HECW2: variants seen among roughly 807,000 people sequenced by gnomAD.
HECW2 encodes HECT, C2 and WW domain containing E3 ubiquitin protein ligase 2.
In HECW2, 61 loss-of-function variants were observed where a neutral mutation model predicts 175.2. The ratio of observed to expected loss-of-function variants is 0.35; its 90% CI spans 0.28 to 0.43. The LOEUF is 0.43. Ranked by LOEUF, HECW2 falls within the 20% of genes least tolerant of loss-of-function variation. The pLI is 1.00. For synonymous variants in HECW2, 671 were observed against 731.0 expected (o/e 0.92, Z 1.32); for missense variants, 1,524 against 2,000.5 (o/e 0.76, Z 4.54).
chr2:196,543,326 A>T (rs1284065353), intron 1 of HECW2, among the ~76,000 whole-genome samples: 5 of 151,538 alleles, frequency 3.3e-5, no homozygotes, highest in African/African-American at 4.8e-5. Context: ...AAAAAAAAAA[A>T]ATGTTCTGTG....
chr2:196,441,104 G>C (rs1021355097), intron 1 of HECW2, among the ~76,000 whole-genome samples: 1 of 152,116 alleles, frequency 6.6e-6, no homozygotes, highest in African/African-American at 2.4e-5. Context: ...TTGTTCAGAA[G>C]ATATAGACAG....
chr2:196,253,825 G>C, intron 19 of HECW2, 95 bp downstream of exon 19: 1 of 1,119,542 alleles, frequency 8.9e-7, no homozygotes, highest in South Asian at 1.3e-5. Flanking sequence ...TGTACCTGAA[G>C]TGTTCCCTTA....
At chr2:196,462,714 G>C (rs1211908736) in intron 1 of HECW2, among the ~76,000 whole-genome samples, 4 of 151,654 alleles carry the variant, frequency 2.6e-5, no homozygotes, top group Non-Finnish European at 4.4e-5. Context: ...TGAACAAAAT[G>C]AAATGATCTT....
Position 196,282,324 on chromosome 2 carries a change from A to C in HECW2, c.3001-3662T>G, listed in dbSNP as rs577564136. Among the ~76,000 whole-genome samples, 4 of 152,310 alleles carry C rather than the reference A, an allele frequency of 2.6e-5. No homozygotes were observed. The South Asian group carries it at 6.2e-4, about 24-fold the overall frequency. Reference sequence around the variant, plus strand: ...GGAGCTCCAGTAGCCATACTGAACCATGGTGATTGTTGAGGAAAAGAGTCA... The same window carrying C: ...GGAGCTCCAGTAGCCATACTGAACCCTGGTGATTGTTGAGGAAAAGAGTCA... On this transcript the variant is annotated intron_variant, in intron 14 of 28. Coordinates refer to ENST00000644978, the MANE Select transcript of HECW2 (RefSeq NM_001348768.2).
At chr2:196,372,410 T>C (rs1198753700) in intron 2 of HECW2, among the ~76,000 whole-genome samples, 1 of 152,248 alleles carries the variant, frequency 6.6e-6, no homozygotes, top group African/African-American at 2.4e-5. Context: ...ATCTGCTTCC[T>C]GGTTGATAAT....
chr2:196,252,217 G>GAT (rs1688884902), intron 19 of HECW2, among the ~76,000 whole-genome samples: 6 of 28,176 alleles, frequency 2.1e-4, no homozygotes, highest in Non-Finnish European at 4.2e-4. Flanking sequence ...ATAATAATAA[G>GAT]GCTTCAATGA....
chr2:196,353,159 T>G (rs1356977002), intron 2 of HECW2, among the ~76,000 whole-genome samples: 4 of 152,126 alleles, frequency 2.6e-5, no homozygotes, highest in Non-Finnish European at 5.9e-5. Flanking sequence ...AAAGGTGTGG[T>G]CAGGATTTGG....
intron 2 of HECW2, among the ~76,000 whole-genome samples, chr2:196,377,624 C>T (rs767217207): frequency 1.3e-4 from 20 of 152,184 alleles, no homozygotes; most frequent in African/African-American, 2.4e-4. Context: ...TCCCACAATA[C>T]GTGGGAACTG....
chr2:196,261,244 G>A (rs1689280627), intron 17 of HECW2, among the ~76,000 whole-genome samples: 1 of 152,194 alleles, frequency 6.6e-6, no homozygotes, highest in Non-Finnish European at 1.5e-5. Context: ...ATTACCACAG[G>A]CTAAAGAGAA....
chr2:196,537,636 G>T (rs924375301), intron 1 of HECW2, among the ~76,000 whole-genome samples: 5 of 152,118 alleles, frequency 3.3e-5, no homozygotes, highest in Admixed American at 1.3e-4. Context: ...GGAAAATGAG[G>T]CTGAGACTTG....
intron 1 of HECW2, among the ~76,000 whole-genome samples, chr2:196,551,385 C>T (rs1020017398): frequency 7.2e-5 from 11 of 152,028 alleles, no homozygotes; most frequent in African/African-American, 2.7e-4. Context: ...TGTATGAGAC[C>T]TTAAAAGACC....
At chr2:196,329,255 G>A (rs1692266668) in intron 5 of HECW2, among the ~76,000 whole-genome samples, 1 of 152,094 alleles carries the variant, frequency 6.6e-6, no homozygotes, top group Non-Finnish European at 1.5e-5. Context: ...TCTAGCTGAA[G>A]TAAGAATAAA....
intron 2 of HECW2, among the ~76,000 whole-genome samples, chr2:196,367,129 G>A (rs1693765416): frequency 6.6e-6 from 1 of 152,148 alleles, no homozygotes. Flanking sequence ...ATTCACATTA[G>A]TGAACAAAAT....
intron 1 of HECW2, among the ~76,000 whole-genome samples, chr2:196,562,618 A>C (rs541757435): frequency 3.9e-5 from 6 of 152,204 alleles, no homozygotes; most frequent in South Asian, 2.1e-4. Flanking sequence ...AATATACAAG[A>C]AGCAGGAGGG....
intron 2 of HECW2, among the ~76,000 whole-genome samples, chr2:196,346,797 G>A (rs373791580): frequency 2.6e-4 from 39 of 151,774 alleles, no homozygotes; most frequent in African/African-American, 7.7e-4. Flanking sequence ...TCAGGAATTC[G>A]AGACCAGCCT....
At chr2:196,523,169 A>T (rs868591233) in intron 1 of HECW2, among the ~76,000 whole-genome samples, 1 of 151,226 alleles carries the variant, frequency 6.6e-6, no homozygotes, top group Non-Finnish European at 1.5e-5. Context: ...AGTGGTTTGT[A>T]CTCCTTGAAG....
intron 1 of HECW2, among the ~76,000 whole-genome samples, chr2:196,458,037 A>G (rs1696582821): frequency 1.3e-5 from 2 of 152,186 alleles, no homozygotes. Context: ...TGGGAGGCTG[A>G]GGTGGGAGAA....
chr2:196,199,172 C>T lies in HECW2; in HGVS notation c.*2105G>A, dbSNP rs1249103816. 6.6e-6 allele frequency: 1 copy of T among 152,042 alleles called. No individual in the cohort carries two copies. Among genetic ancestry groups the T allele is most frequent in the African/African-American group, 2.4e-5 (1 of 41,108 alleles). 9.4% of individuals were successfully genotyped at this position (152,042 alleles called of 1,614,324 possible). On this transcript the variant is annotated 3_prime_UTR_variant, in exon 29 of 29. Coordinates refer to ENST00000644978, the MANE Select transcript of HECW2 (RefSeq NM_001348768.2). ...TGCCAGCCCTGAAACATCTTGTATACCATCAAATATGTGACTTAAAAAAAA... is the reference window on the plus strand; with the variant it reads ...TGCCAGCCCTGAAACATCTTGTATATCATCAAATATGTGACTTAAAAAAAA...
At chr2:196,364,480 T>C (rs910285856) in intron 2 of HECW2, among the ~76,000 whole-genome samples, 2 of 152,246 alleles carry the variant, frequency 1.3e-5, no homozygotes, top group Admixed American at 6.5e-5. Flanking sequence ...CAAATGATTA[T>C]ATTGAGAAGG....
Sources: gnomAD v4.1 joint callset for allele counts (sites outside exome capture counted in the v4.1 genomes callset) on GRCh38, gnomAD v4.1.1 for gene constraint, MANE v1.5 for transcripts, NCBI Gene and HGNC (gene_info 2026-07-23, HGNC 2026-07-21) for gene names.